SLC25A48: variants seen among roughly 807,000 people sequenced by gnomAD.
SLC25A48 encodes the protein CTC-321K16.1.
In SLC25A48, 29 loss-of-function variants were observed where a neutral mutation model predicts 32.2. The ratio of observed to expected loss-of-function variants is 0.90; its 90% confidence interval spans 0.67 to 1.23. The LOEUF is 1.23. Ranked by LOEUF, SLC25A48 falls within the 50% of genes most tolerant of loss-of-function variation. The pLI is 0.00. For missense variants in SLC25A48, 399 were observed against 422.7 expected (o/e 0.94, Z 0.49); for synonymous variants, 164 against 172.3 (o/e 0.95, Z 0.38).
chr5:135,820,380 G>GT (rs1291836365), intron 4 of SLC25A48, among the ~76,000 whole-genome samples: 3 of 152,314 alleles, frequency 2.0e-5, no homozygotes, highest in South Asian at 4.1e-4. Context: ...AAGCACATCA[G>GT]TGGTTGCTTG....
At chr5:135,619,914 G>T (rs1310387842) in intron 1 of SLC25A48, among the ~76,000 whole-genome samples, 1 of 152,106 alleles carries the variant, frequency 6.6e-6, no homozygotes, top group African/African-American at 2.4e-5. Flanking sequence ...CTGTCCTTGG[G>T]TCCCACAATG....
intron 1 of SLC25A48, among the ~76,000 whole-genome samples, chr5:135,624,359 T>C (rs539971824): frequency 1.3e-5 from 2 of 152,148 alleles, no homozygotes; most frequent in Admixed American, 1.3e-4. Flanking sequence ...TATACAAACT[T>C]AGAAATGTCA....
At chr5:135,764,269 A>G (rs1300616826) in intron 3 of SLC25A48, among the ~76,000 whole-genome samples, 3 of 151,930 alleles carry the variant, frequency 2.0e-5, no homozygotes. Context: ...CATGGTTCGT[A>G]TTAACCACAG....
intron 3 of SLC25A48, among the ~76,000 whole-genome samples, chr5:135,786,020 A>G (rs1756839004): frequency 6.9e-6 from 1 of 145,952 alleles, no homozygotes; most frequent in African/African-American, 2.6e-5. Context: ...AGTGGGGGAG[A>G]CGGTGGTATT....
chr5:135,745,000 C>A (rs1580835040), intron 3 of SLC25A48, among the ~76,000 whole-genome samples: 1 of 152,290 alleles, frequency 6.6e-6, no homozygotes, highest in East Asian at 1.9e-4. Flanking sequence ...TGAGATCATA[C>A]CACTGCACTC....
At chr5:135,695,090 C>T (rs532148186) in intron 3 of SLC25A48, among the ~76,000 whole-genome samples, 7 of 152,278 alleles carry the variant, frequency 4.6e-5, no homozygotes, top group African/African-American at 1.7e-4. Context: ...TGCCTCACCT[C>T]GGGCAGCTGC....
intron 3 of SLC25A48, among the ~76,000 whole-genome samples, chr5:135,668,454 G>A (rs1400065686): frequency 1.3e-5 from 2 of 152,180 alleles, no homozygotes; most frequent in Non-Finnish European, 2.9e-5. Flanking sequence ...ACATCCTGTT[G>A]TCAGTGACTT....
At chr5:135,834,985 GC>G in intron 1 of SLC25A48, 92 bp downstream of exon 1, 1 of 1,422,706 alleles carries the variant, frequency 7.0e-7, no homozygotes, top group Non-Finnish European at 9.7e-7. Context: ...TCTGTGCGCT[GC>G]CATCCCGCTC....
At chr5:135,852,967 C>G (rs909337055) in intron 4 of SLC25A48, 146 bp downstream of exon 4, 6 of 1,138,004 alleles carry the variant, frequency 5.3e-6, no homozygotes, top group Non-Finnish European at 1.2e-6. Context: ...AGGCATACCT[C>G]GGAGACATGG....
intron 3 of SLC25A48, among the ~76,000 whole-genome samples, chr5:135,801,542 ATTAC>A (rs1161380657): frequency 2.7e-5 from 4 of 150,908 alleles, no homozygotes; most frequent in Non-Finnish European, 4.4e-5. Flanking sequence ...AGAAGATGAT[ATTAC>A]TTCTTCTTAT....
At chr5:135,831,834 G>A (rs182011524), upstream of SLC25A48, among the ~76,000 whole-genome samples, 188 of 152,322 alleles carry the variant, frequency 1.2e-3, 1 homozygote, top group African/African-American at 4.3e-3. Context: ...AAGCTCACTG[G>A]GGCAGTAGGA....
intron 6 of SLC25A48, chr5:135,874,623 C>A (rs1338929196): frequency 8.8e-6 from 6 of 685,048 alleles, no homozygotes; most frequent in African/African-American, 1.8e-5. Flanking sequence ...TCTGCTCTCC[C>A]ACCTGAGCCC....
intron 1 of SLC25A48, among the ~76,000 whole-genome samples, chr5:135,596,020 G>A (rs1260253005): frequency 1.3e-5 from 2 of 152,132 alleles, no homozygotes; most frequent in African/African-American, 4.8e-5. Context: ...CTGTCACTCG[G>A]CCAACCCCTT....
At chr5:135,806,565 C>T (rs1438291136) in intron 3 of SLC25A48, among the ~76,000 whole-genome samples, 1 of 150,326 alleles carries the variant, frequency 6.7e-6, no homozygotes, top group East Asian at 2.0e-4. Context: ...TGTGTTAACA[C>T]TAGATGTTAT....
intron 4 of SLC25A48, among the ~76,000 whole-genome samples, chr5:135,869,054 A>G (rs1761442798): frequency 6.6e-6 from 1 of 152,212 alleles, no homozygotes; most frequent in Non-Finnish European, 1.5e-5. Context: ...AACAATAAGC[A>G]AATGAGCTTA....
At chr5:135,681,233 C>A (rs1397085423) in intron 3 of SLC25A48, among the ~76,000 whole-genome samples, 4 of 152,202 alleles carry the variant, frequency 2.6e-5, no homozygotes, top group Non-Finnish European at 4.4e-5. Flanking sequence ...CTCGGCCTCC[C>A]AAAGTGCTGG....
intron 3 of SLC25A48, among the ~76,000 whole-genome samples, chr5:135,758,906 A>G (rs993904086): frequency 4.0e-5 from 6 of 150,918 alleles, no homozygotes; most frequent in African/African-American, 1.2e-4. Flanking sequence ...TATCTATGCT[A>G]TAAATAATAT....
intron 3 of SLC25A48, among the ~76,000 whole-genome samples, chr5:135,707,250 C>T (rs531528736): frequency 6.6e-6 from 1 of 152,286 alleles, no homozygotes; most frequent in East Asian, 1.9e-4. Context: ...TCCCTAGAGC[C>T]TGACCCCATC....
At chr5:135,874,830 C>A (rs1160010225) in intron 6 of SLC25A48, 1 of 548,870 alleles carries the variant, frequency 1.8e-6, no homozygotes. Context: ...CATCACCCTC[C>A]GCAGGAACTA....
Sources: gnomAD v4.1 joint callset for allele counts (sites outside exome capture counted in the v4.1 genomes callset) on GRCh38, gnomAD v4.1.1 for gene constraint, MANE v1.5 for transcripts, NCBI Gene and HGNC (gene_info 2026-07-23, HGNC 2026-07-21) for gene names.